MDGA2: variants seen among roughly 807,000 people sequenced by gnomAD.
MDGA2 encodes MAM domain containing glycosylphosphatidylinositol anchor 2.
A neutral mutation model predicts 117.8 loss-of-function variants in MDGA2; 40 were observed. The observed-to-expected ratio is 0.34, with a 90% CI of 0.26 to 0.44. The LOEUF is 0.44. MDGA2 is among the 20% of genes least tolerant of loss of function. The probability of loss-of-function intolerance (pLI) is 1.00; values close to 1 mark genes in which losing one functional copy is unlikely to be tolerated. For synonymous variants in MDGA2, 452 were observed against 439.0 expected (o/e 1.03, Z -0.37); for missense variants, 1,123 against 1,250.6 (o/e 0.90, Z 1.54).
intron 6 of MDGA2, among the ~76,000 whole-genome samples, chr14:47,093,876 C>G (rs1879811973): frequency 6.6e-6 from 1 of 152,034 alleles, no homozygotes; most frequent in Admixed American, 6.6e-5. Flanking sequence ...TATGCTTACT[C>G]AGAAACCTGG....
intron 2 of MDGA2, among the ~76,000 whole-genome samples, chr14:47,248,480 T>C (rs1350895480): frequency 6.6e-6 from 1 of 151,748 alleles, no homozygotes. Flanking sequence ...CACAAGGTAA[T>C]AATTTAGACA....
intron 1 of MDGA2, among the ~76,000 whole-genome samples, chr14:47,345,913 A>G (rs955179469): frequency 6.6e-6 from 1 of 152,112 alleles, no homozygotes; most frequent in East Asian, 1.9e-4. Flanking sequence ...AAAGTAGAAC[A>G]GAGGACACTA....
intron 8 of MDGA2, among the ~76,000 whole-genome samples, chr14:46,986,676 C>T (rs528834403): frequency 2.4e-4 from 37 of 152,212 alleles, no homozygotes; most frequent in Non-Finnish European, 5.0e-4. Flanking sequence ...AAAGACACAA[C>T]TAGCTGCTTA....
Position 47,124,731 on chromosome 14 carries a change from C to T in MDGA2, c.925+6983G>A, listed in dbSNP as rs949142985. On this transcript the variant is annotated intron_variant, in intron 5 of 16. Transcript: ENST00000399232. The stretch of plus-strand genomic sequence containing the variant: ...ACTCTAATCAAATATGGCTAGTGTC[C>T]ATGTTTGGGACACTAGAGGAAGGGA... Among the ~76,000 whole-genome samples, 14 of 151,906 alleles carry T rather than the reference C, an allele frequency of 9.2e-5. No homozygotes were observed. In the East Asian group the frequency reaches 1.9e-3, roughly 21 times the overall value.
At chr14:46,863,425 T>G (rs1881593814) in intron 14 of MDGA2, among the ~76,000 whole-genome samples, 1 of 152,152 alleles carries the variant, frequency 6.6e-6, no homozygotes, top group Admixed American at 6.6e-5. Flanking sequence ...AACACTAGGA[T>G]TAGGCACACA....
chr14:47,041,477 T>C (rs1889066778), intron 7 of MDGA2, among the ~76,000 whole-genome samples: 2 of 152,088 alleles, frequency 1.3e-5, no homozygotes, highest in East Asian at 1.9e-4. Flanking sequence ...AAAATGCAGA[T>C]ACATTCTCTA....
intron 9 of MDGA2, among the ~76,000 whole-genome samples, chr14:46,920,817 T>C (rs1350712666): frequency 6.6e-6 from 1 of 152,142 alleles, no homozygotes; most frequent in Admixed American, 6.5e-5. Flanking sequence ...AAACAATTAG[T>C]GGAAATGAAA....
chr14:46,912,669 A>G (rs1357778935), intron 10 of MDGA2, among the ~76,000 whole-genome samples: 1 of 152,194 alleles, frequency 6.6e-6, no homozygotes, highest in Non-Finnish European at 1.5e-5. Context: ...TTCTCAAACC[A>G]TATTTCTAAA....
rs1883353082 is a variant in MDGA2 at position 47,155,885 on chromosome 14, C to CTTTTTTTTTTTTTTTTTTTTT, written c.596-11612_596-11611insAAAAAAAAAAAAAAAAAAAAA. ...ACAATTCTTTTCTTTTCTTCTTCTTCTTCTTTTTTTTTTTTTTTTTTTTTT... is the reference window on the plus strand; with the variant it reads ...ACAATTCTTTTCTTTTCTTCTTCTTCTTTTTTTTTTTTTTTTTTTTTTTCTTTTTTTTTTTTTTTTTTTTTT... On this transcript the variant is annotated intron_variant, in intron 3 of 16. Transcript: ENST00000399232. Among the ~76,000 whole-genome samples, 2 of 80,446 alleles carry CTTTTTTTTTTTTTTTTTTTTT rather than the reference C, an allele frequency of 2.5e-5. 1 individual carries two copies. Among genetic ancestry groups the CTTTTTTTTTTTTTTTTTTTTT allele is most frequent in the African/African-American group, 8.7e-5 (2 of 22,970 alleles). 52.8% of individuals were successfully genotyped at this position (80,446 alleles called of 152,430 possible).
intron 9 of MDGA2, among the ~76,000 whole-genome samples, chr14:46,944,573 G>A (rs750973955): frequency 1.8e-4 from 27 of 151,852 alleles, no homozygotes; most frequent in Non-Finnish European, 3.7e-4. Context: ...AAGTGCACCT[G>A]TTTTCAACTA....
intron 10 of MDGA2, among the ~76,000 whole-genome samples, chr14:46,906,066 A>G (rs1053405362): frequency 1.1e-4 from 16 of 152,004 alleles, no homozygotes; most frequent in Non-Finnish European, 2.2e-4. Flanking sequence ...ATAGCATATA[A>G]TTAGTATTAA....
chr14:47,036,823 G>A (rs1394827749), intron 7 of MDGA2, among the ~76,000 whole-genome samples: 1 of 152,148 alleles, frequency 6.6e-6, no homozygotes, highest in Non-Finnish European at 1.5e-5. Flanking sequence ...AAAGTGATAT[G>A]ACAATTATCT....
intron 3 of MDGA2, among the ~76,000 whole-genome samples, chr14:47,161,818 C>T (rs73248063): frequency 2.6e-5 from 4 of 151,558 alleles, no homozygotes; most frequent in African/African-American, 9.7e-5. Flanking sequence ...TTTTAGATTT[C>T]CCTTAAACTC....
At chr14:47,275,621 A>T (rs1888286727) in intron 2 of MDGA2, among the ~76,000 whole-genome samples, 1 of 152,178 alleles carries the variant, frequency 6.6e-6, no homozygotes, top group Admixed American at 6.6e-5. Context: ...TTTATGTAAT[A>T]CTATAATTCC....
intron 1 of MDGA2, among the ~76,000 whole-genome samples, chr14:47,546,595 TAGA>T (rs1364823531): frequency 6.6e-6 from 1 of 152,114 alleles, no homozygotes; most frequent in Non-Finnish European, 1.5e-5. Flanking sequence ...CATACAAATG[TAGA>T]AGTTTTGCTT....
intron 8 of MDGA2, among the ~76,000 whole-genome samples, chr14:47,006,069 T>C (rs1487767281): frequency 6.6e-6 from 1 of 151,644 alleles, no homozygotes; most frequent in African/African-American, 2.4e-5. Flanking sequence ...TGGTTGTTCC[T>C]GGAACATAAC....
intron 1 of MDGA2, among the ~76,000 whole-genome samples, chr14:47,522,916 C>T (rs1338596122): frequency 1.3e-5 from 2 of 152,064 alleles, no homozygotes; most frequent in South Asian, 4.1e-4. Flanking sequence ...TAATGTGTCA[C>T]GAATTGCTGA....
At chr14:46,936,930 G>C (rs78105648) in intron 9 of MDGA2, among the ~76,000 whole-genome samples, 2,165 of 152,050 alleles carry the variant, frequency 0.014, 57 homozygotes, top group African/African-American at 0.048. Flanking sequence ...CGCAGTACTA[G>C]ATGTCCTAGC....
chr14:47,573,533 A>T (rs1896059660), intron 1 of MDGA2, among the ~76,000 whole-genome samples: 1 of 152,218 alleles, frequency 6.6e-6, no homozygotes, highest in Non-Finnish European at 1.5e-5. Flanking sequence ...ATAGAAAACA[A>T]ATCTTTCTCA....
Sources: gnomAD v4.1 joint callset for allele counts (sites outside exome capture counted in the v4.1 genomes callset) on GRCh38, gnomAD v4.1.1 for gene constraint, MANE v1.5 for transcripts, NCBI Gene and HGNC (gene_info 2026-07-23, HGNC 2026-07-21) for gene names.